The following DDAH1 variants were observed in gnomAD, a reference collection of about 807,000 sequenced individuals.
DDAH1 encodes dimethylarginine dimethylaminohydrolase 1.
In DDAH1, 19 loss-of-function variants were observed where a neutral mutation model predicts 28.8. The ratio of observed to expected loss-of-function variants is 0.66; its 90% CI spans 0.46 to 0.97. The LOEUF (loss-of-function observed/expected upper bound fraction) is 0.97. DDAH1 is among the 50% of genes least tolerant of loss of function. The probability of loss-of-function intolerance (pLI) is 0.00; values close to 1 mark genes in which losing one functional copy is unlikely to be tolerated. For synonymous variants in DDAH1, 153 were observed against 154.4 expected (o/e 0.99, Z 0.07); for missense variants, 326 against 375.9 (o/e 0.87, Z 1.10).
chr1:85,344,412 C>CCTG (rs1218137651), intron 4 of DDAH1, among the ~76,000 whole-genome samples: 10 of 152,200 alleles, frequency 6.6e-5, no homozygotes, highest in African/African-American at 2.4e-4. Flanking sequence ...GGATGCTCCT[C>CCTG]CTGCTGCCCG....
intron 2 of DDAH1, among the ~76,000 whole-genome samples, chr1:85,471,500 T>C (rs1462699933): frequency 2.6e-5 from 4 of 152,244 alleles, no homozygotes; most frequent in African/African-American, 4.8e-5. Flanking sequence ...CTTGAATTGA[T>C]GTGTAAAGTG....
At chr1:85,533,335 C>A (rs2100776139) in intron 1 of DDAH1, among the ~76,000 whole-genome samples, 1 of 151,838 alleles carries the variant, frequency 6.6e-6, no homozygotes, top group Middle Eastern at 3.4e-3. Context: ...TTTTTTTTCT[C>A]TTCTTTTCTT....
intron 1 of DDAH1, among the ~76,000 whole-genome samples, chr1:85,377,413 TTCA>T (rs902446286): frequency 9.9e-5 from 15 of 152,092 alleles, no homozygotes; most frequent in African/African-American, 3.6e-4. Context: ...TGGCTGGGAT[TTCA>T]TCATTTCATG....
At chr1:85,549,027 G>C (rs1324777078) in intron 1 of DDAH1, among the ~76,000 whole-genome samples, 1 of 152,118 alleles carries the variant, frequency 6.6e-6, no homozygotes, top group Non-Finnish European at 1.5e-5. Flanking sequence ...CCACAGAAAA[G>C]ACTTAGGCTA....
At chr1:85,548,037 T>C (rs1457375488) in intron 1 of DDAH1, among the ~76,000 whole-genome samples, 1 of 152,218 alleles carries the variant, frequency 6.6e-6, no homozygotes, top group South Asian at 2.1e-4. Context: ...GATCTGCAAA[T>C]TGATTTGCAT....
intron 1 of DDAH1, among the ~76,000 whole-genome samples, chr1:85,390,829 A>G (rs1320905389): frequency 6.6e-6 from 1 of 152,204 alleles, no homozygotes; most frequent in Non-Finnish European, 1.5e-5. Context: ...CACGTACAGA[A>G]TTATGGCTCA....
intron 1 of DDAH1, among the ~76,000 whole-genome samples, chr1:85,451,845 T>G (rs1654682455): frequency 6.6e-6 from 1 of 152,078 alleles, no homozygotes; most frequent in Non-Finnish European, 1.5e-5. Context: ...GAACAGAAAA[T>G]GTACTAGGCT....
At chr1:85,555,452 A>G (rs927211634) in intron 1 of DDAH1, among the ~76,000 whole-genome samples, 4 of 152,200 alleles carry the variant, frequency 2.6e-5, no homozygotes, top group African/African-American at 9.7e-5. Flanking sequence ...TGCATACATG[A>G]ACACAAACAC....
intron 1 of DDAH1, among the ~76,000 whole-genome samples, chr1:85,430,216 T>C (rs548645591): frequency 6.6e-6 from 1 of 152,250 alleles, no homozygotes; most frequent in Admixed American, 6.5e-5. Context: ...TGTAGATGTG[T>C]GGTGTTATTT....
At chr1:85,423,653 G>C (rs1653254297) in intron 1 of DDAH1, among the ~76,000 whole-genome samples, 1 of 152,106 alleles carries the variant, frequency 6.6e-6, no homozygotes, top group Non-Finnish European at 1.5e-5. Context: ...CTGAAATCTT[G>C]CTATACTTCC....
At chr1:85,447,004 T>C (rs1341186326) in intron 1 of DDAH1, among the ~76,000 whole-genome samples, 1 of 152,192 alleles carries the variant, frequency 6.6e-6, no homozygotes, top group African/African-American at 2.4e-5. Context: ...TCATTGAATT[T>C]TAAAACTCAA....
At chr1:85,462,002 C>T (rs1035822277) in intron 1 of DDAH1, among the ~76,000 whole-genome samples, 17 of 152,232 alleles carry the variant, frequency 1.1e-4, no homozygotes, top group African/African-American at 4.1e-4. Flanking sequence ...GTTTCACCAA[C>T]TTTAAAATAG....
intron 1 of DDAH1, among the ~76,000 whole-genome samples, chr1:85,515,014 A>T (rs6690047): frequency 0.21 from 7,208 of 34,630 alleles, 210 homozygotes; most frequent in Admixed American, 0.25. Context: ...ACAGAGCTAG[A>T]ATACACACAC....
At chr1:85,485,358 G>T (rs927877516) in intron 2 of DDAH1, among the ~76,000 whole-genome samples, 1 of 152,056 alleles carries the variant, frequency 6.6e-6, no homozygotes, top group Non-Finnish European at 1.5e-5. Flanking sequence ...AACCACAGGA[G>T]AATCACTGGC....
intron 1 of DDAH1, among the ~76,000 whole-genome samples, chr1:85,400,547 A>C (rs1469437411): frequency 6.6e-6 from 1 of 152,096 alleles, no homozygotes; most frequent in East Asian, 1.9e-4. Context: ...TAGAGAGTTT[A>C]CTTTCTATAA....
intron 1 of DDAH1, among the ~76,000 whole-genome samples, chr1:85,503,667 A>G (rs1656907064): frequency 6.6e-6 from 1 of 152,128 alleles, no homozygotes; most frequent in African/African-American, 2.4e-5. Flanking sequence ...GATGCCTGCT[A>G]TCATGGAGCT....
chr1:85,543,840 A>C (rs1029897505), intron 1 of DDAH1, among the ~76,000 whole-genome samples: 7 of 152,244 alleles, frequency 4.6e-5, no homozygotes, highest in Admixed American at 1.3e-4. Context: ...CGGGCAAGCC[A>C]AAAGCAGATA....
At chr1:85,446,991 T>C (rs937294034) in intron 1 of DDAH1, among the ~76,000 whole-genome samples, 2 of 152,140 alleles carry the variant, frequency 1.3e-5, no homozygotes, top group Admixed American at 6.5e-5. Context: ...AGAAAGGTGG[T>C]CATCATTGAA....
At chr1:85,523,950 C>A (rs1283964522) in intron 1 of DDAH1, among the ~76,000 whole-genome samples, 13 of 151,974 alleles carry the variant, frequency 8.6e-5, no homozygotes, top group African/African-American at 3.1e-4. Flanking sequence ...TTGCCTATAT[C>A]CATTCATTGA....
Sources: allele counts gnomAD v4.1 joint callset (sites outside exome capture counted in the v4.1 genomes callset), GRCh38; gene constraint gnomAD v4.1.1; transcripts MANE v1.5; gene names NCBI Gene and HGNC (gene_info 2026-07-23, HGNC 2026-07-21).